PLPPR1: variants seen among roughly 807,000 people sequenced by gnomAD.
PLPPR1 encodes phospholipid phosphatase-related protein type 1.
A neutral mutation model predicts 33.1 loss-of-function variants in PLPPR1; 10 were observed. The observed-to-expected ratio is 0.30, with a 90% CI of 0.19 to 0.51. The LOEUF (loss-of-function observed/expected upper bound fraction) is 0.51, where lower values mean the gene tolerates loss of function less well. PLPPR1 is among the 20% of genes least tolerant of loss of function. The pLI is 0.97. For synonymous variants in PLPPR1, 151 were observed against 151.0 expected (o/e 1.00, Z 0.00); for missense variants, 304 against 408.1 (o/e 0.74, Z 2.20).
chr9:101,155,257 G>A lies in PLPPR1; in HGVS notation c.-45-30193G>A, dbSNP rs139775511. 2.3e-3 allele frequency among the ~76,000 whole-genome samples: 355 copies of A among 152,274 alleles called. 3 individuals are homozygous for A. The highest frequency in any genetic ancestry group is 7.6e-3 in the African/African-American group (316 of 41,552). ...CAGTCCTGCTGAACTGGAGAAAGGA[G>A]ATTGTTTTAGTCTATGGTGTGCTGT... is the stretch of plus-strand genomic sequence containing the variant. On this transcript the variant is annotated intron_variant, in intron 1 of 7. Coordinates refer to ENST00000374874, the MANE Select transcript of PLPPR1 (RefSeq NM_207299.2).
At position 101,167,141 on chromosome 9, in the gene PLPPR1, G is replaced by GGGGTGTGTGTGTGTGTGTGTGT. The variant is rs1297322438; in HGVS notation, c.-45-18308_-45-18307insGGTGTGTGTGTGTGTGTGTGTG. Among the ~76,000 whole-genome samples, 216 of 39,744 alleles carry GGGGTGTGTGTGTGTGTGTGTGT rather than the reference G, an allele frequency of 5.4e-3. 5 individuals are homozygous for GGGGTGTGTGTGTGTGTGTGTGT. The highest frequency in any genetic ancestry group is 0.026 in the Middle Eastern group (1 of 38). 26.1% of individuals were successfully genotyped at this position (39,744 alleles called of 152,430 possible). ...TGCTGTCTCTGTCTTTATGTCTCTC[G>GGGGTGTGTGTGTGTGTGTGTGT]GTGTGTGTGTGTGTGTGTGTGTGTG... On this transcript the variant is annotated intron_variant, in intron 1 of 7. Transcript: ENST00000374874.
chr9:101,088,353 A>G (rs1270129001), intron 1 of PLPPR1, among the ~76,000 whole-genome samples: 1 of 152,162 alleles, frequency 6.6e-6, no homozygotes, highest in Non-Finnish European at 1.5e-5. Flanking sequence ...TTAAAACGTC[A>G]TGATGTACAC....
chr9:101,271,331 G>T (rs1004660368), intron 3 of PLPPR1, among the ~76,000 whole-genome samples: 1 of 152,134 alleles, frequency 6.6e-6, no homozygotes, highest in African/African-American at 2.4e-5. Flanking sequence ...ATGACTTAGC[G>T]CAGTGCCTGG....
chr9:101,270,061 C>T lies in PLPPR1; in HGVS notation c.245C>T (p.Thr82Ile), dbSNP rs746971581. Residue 82 changes from threonine to isoleucine, a missense_variant, in exon 3 of 8, where the codon ACT (threonine) becomes ATT (isoleucine). Physicochemically the swap from Thr to Ile is moderately conservative, Grantham distance 89. Transcript: ENST00000374874. ...TATTGTGTGCTGGCTGCCACCCCAA[C>T]TGCTATTGTAAGTACAGAAATAGAC... ...VLYCVLAATP[T>I]AIIFIGEISM... The T allele has an allele frequency of 6.8e-6, 11 of 1,614,166 alleles. No homozygotes were observed. In the East Asian group the frequency reaches 2.5e-4, roughly 36 times the overall value.
intron 2 of PLPPR1, among the ~76,000 whole-genome samples, chr9:101,265,824 G>A (rs188950784): frequency 5.3e-5 from 8 of 151,838 alleles, no homozygotes; most frequent in Admixed American, 1.3e-4. Context: ...GTGAAACCCC[G>A]TCTCTACTAA....
chr9:101,148,215 T>G (rs1240427407), intron 1 of PLPPR1, among the ~76,000 whole-genome samples: 1 of 152,180 alleles, frequency 6.6e-6, no homozygotes, highest in Non-Finnish European at 1.5e-5. Flanking sequence ...GTGACCAATC[T>G]TCTTTACTTC....
chr9:101,046,597 G>A (rs564918314), intron 1 of PLPPR1, among the ~76,000 whole-genome samples: 105 of 151,654 alleles, frequency 6.9e-4, no homozygotes, highest in Middle Eastern at 3.4e-3. Flanking sequence ...CTGCCACCAC[G>A]CCCAGCTAAT....
In PLPPR1 at chr9:101,290,857, C is replaced by T. The variant is rs900139928; in HGVS notation, c.385+4621C>T. ...AGTCTACAGCTCTCAGCGTGAGTGA[C>T]GCAGAAGATGGGTGATTTCTGCATT... On this transcript the variant is annotated intron_variant, in intron 4 of 7. Coordinates refer to ENST00000374874, the MANE Select transcript of PLPPR1 (RefSeq NM_207299.2). 5.9e-5 allele frequency among the ~76,000 whole-genome samples: 9 copies of T among 152,312 alleles called. No individual in the cohort carries two copies. In the South Asian group the frequency reaches 8.3e-4, roughly 14 times the overall value.
chr9:101,236,601 A>T (rs902885532), intron 2 of PLPPR1, among the ~76,000 whole-genome samples: 2 of 151,332 alleles, frequency 1.3e-5, no homozygotes, highest in African/African-American at 4.8e-5. Flanking sequence ...AAAAATGACC[A>T]TCTTTTTTTT....
At chr9:101,102,138 C>CTTT (rs201534396) in intron 1 of PLPPR1, among the ~76,000 whole-genome samples, 1 of 55,578 alleles carries the variant, frequency 1.8e-5, no homozygotes, top group Admixed American at 1.7e-4. Flanking sequence ...TAGCTTTATT[C>CTTT]TTTTTTTTTT....
intron 1 of PLPPR1, among the ~76,000 whole-genome samples, chr9:101,088,381 AAAAAT>A (rs1462169110): frequency 3.3e-5 from 5 of 151,884 alleles, no homozygotes; most frequent in African/African-American, 9.7e-5. Context: ...GTATAAAATT[AAAAAT>A]AAAATAATTA....
At chr9:101,126,599 G>T (rs559516327) in intron 1 of PLPPR1, among the ~76,000 whole-genome samples, 3 of 152,136 alleles carry the variant, frequency 2.0e-5, no homozygotes, top group Non-Finnish European at 2.9e-5. Flanking sequence ...ACTACCAATT[G>T]CTCCAGGTTT....
chr9:101,221,792 A>G (rs192746516), intron 2 of PLPPR1, among the ~76,000 whole-genome samples: 1 of 152,320 alleles, frequency 6.6e-6, no homozygotes, highest in Admixed American at 6.5e-5. Flanking sequence ...TTAGAAGAAT[A>G]TATATTTACA....
intron 1 of PLPPR1, among the ~76,000 whole-genome samples, chr9:101,104,610 T>C (rs937952161): frequency 8.3e-6 from 1 of 120,868 alleles, no homozygotes; most frequent in Non-Finnish European, 1.7e-5. Flanking sequence ...TAAAATTCTC[T>C]TTTTTGGTTG....
intron 1 of PLPPR1, among the ~76,000 whole-genome samples, chr9:101,097,722 G>C (rs1008715521): frequency 2.0e-5 from 3 of 152,114 alleles, no homozygotes; most frequent in African/African-American, 7.2e-5. Flanking sequence ...GCCACATTCG[G>C]AATGGAATCC....
chr9:101,148,345 C>T (rs929699315), intron 1 of PLPPR1, among the ~76,000 whole-genome samples: 1 of 152,188 alleles, frequency 6.6e-6, no homozygotes, highest in Non-Finnish European at 1.5e-5. Context: ...ACATATACAA[C>T]TCCTGCAAAA....
chr9:101,088,203 A>G (rs1005903173), intron 1 of PLPPR1, among the ~76,000 whole-genome samples: 1 of 152,176 alleles, frequency 6.6e-6, no homozygotes, highest in Non-Finnish European at 1.5e-5. Flanking sequence ...CGGTGCAGGT[A>G]TGTCCAGATG....
chr9:101,315,873 T>TA (rs1829041876), intron 6 of PLPPR1, among the ~76,000 whole-genome samples: 1 of 152,180 alleles, frequency 6.6e-6, no homozygotes, highest in Non-Finnish European at 1.5e-5. Flanking sequence ...AATAGTGCTT[T>TA]ATGTTTGTGG....
intron 2 of PLPPR1, among the ~76,000 whole-genome samples, chr9:101,251,905 TTGAG>T (rs1377950190): frequency 6.6e-6 from 1 of 152,158 alleles, no homozygotes; most frequent in Non-Finnish European, 1.5e-5. Context: ...CTACCTATGA[TTGAG>T]TGTGTTTATA....
Sources: gnomAD v4.1 joint callset for allele counts (sites outside exome capture counted in the v4.1 genomes callset) on GRCh38, gnomAD v4.1.1 for gene constraint, MANE v1.5 for transcripts, NCBI Gene and HGNC (gene_info 2026-07-23, HGNC 2026-07-21) for gene names.